Variants in CA10 observed in about 807,000 individuals in gnomAD.
CA10 encodes the protein carbonic anhydrase 10 (inactive).
In CA10, 14 loss-of-function variants were observed where a neutral mutation model predicts 44.2. That is an observed-to-expected ratio of 0.32 (90% confidence interval 0.21 to 0.50). The LOEUF is 0.50. Ranked by LOEUF, CA10 falls within the 20% of genes least tolerant of loss-of-function variation. CA10 has a pLI of 0.99. For synonymous variants in CA10, 159 were observed against 141.6 expected (o/e 1.12, Z -0.87); for missense variants, 350 against 409.7 (o/e 0.85, Z 1.26).
chr17:52,079,453 CG>C (rs1468257670), intron 1 of CA10, among the ~76,000 whole-genome samples: 2 of 125,770 alleles, frequency 1.6e-5, no homozygotes, highest in Non-Finnish European at 3.0e-5. Context: ...AGCGAGACTC[CG>C]TCAAAAAAAA....
At chr17:51,842,314 T>C (rs187007782) in intron 3 of CA10, among the ~76,000 whole-genome samples, 10 of 152,264 alleles carry the variant, frequency 6.6e-5, no homozygotes, top group African/African-American at 2.2e-4. Context: ...CTCAAGAAGA[T>C]ACACTGATTC....
chr17:51,870,853 A>T (rs1979770168), intron 3 of CA10, among the ~76,000 whole-genome samples: 1 of 152,094 alleles, frequency 6.6e-6, no homozygotes, highest in Non-Finnish European at 1.5e-5. Flanking sequence ...TGGTGGGATT[A>T]TTCTTATGCC....
At chr17:51,753,495 T>C (rs1904964624) in intron 3 of CA10, among the ~76,000 whole-genome samples, 1 of 152,214 alleles carries the variant, frequency 6.6e-6, no homozygotes, top group African/African-American at 2.4e-5. Flanking sequence ...AAAATTTTCA[T>C]TCTTTGAAAT....
chr17:52,123,219 C>A (rs1397606284), intron 1 of CA10, among the ~76,000 whole-genome samples: 1 of 152,040 alleles, frequency 6.6e-6, no homozygotes, highest in African/African-American at 2.4e-5. Context: ...GAAATATTAA[C>A]TTAAAAGAGT....
chr17:51,982,353 G>A (rs1984679837), intron 2 of CA10, among the ~76,000 whole-genome samples: 1 of 151,890 alleles, frequency 6.6e-6, no homozygotes, highest in Non-Finnish European at 1.5e-5. Context: ...CAGCTTCTTG[G>A]TTGACTTAAA....
At chr17:51,751,233 A>G (rs2143614298) in intron 3 of CA10, among the ~76,000 whole-genome samples, 1 of 152,360 alleles carries the variant, frequency 6.6e-6, no homozygotes, top group Admixed American at 6.5e-5. Flanking sequence ...TCATAGAAAC[A>G]GAAAGTAGAA....
chr17:51,821,478 C>T lies in CA10; in HGVS notation c.280-73660G>A, dbSNP rs1195420004. Among the ~76,000 whole-genome samples the T allele has an allele frequency of 2.0e-5, 3 of 152,036 alleles. No homozygotes were observed. The East Asian group carries it at 5.8e-4, about 29-fold the overall frequency. On this transcript the variant is annotated intron_variant, in intron 3 of 8. Transcript: ENST00000451037. ...CATGAATCTGATCATTTGTCGTCTC[C>T]CCGCAGCTGCTCCCTTGGTCCAAAT...
In CA10 at chr17:51,790,743, G is replaced by A. The variant is rs747352145; in HGVS notation, c.280-42925C>T. ...CCATGACAAGGTAAGATGAGTAGGTGGATCAATTTTAAAGGTTCTACCATC... is the reference window on the plus strand; with the variant it reads ...CCATGACAAGGTAAGATGAGTAGGTAGATCAATTTTAAAGGTTCTACCATC... On this transcript the variant is annotated intron_variant, in intron 3 of 8. Transcript: ENST00000451037. Among the ~76,000 whole-genome samples the A allele has an allele frequency of 1.1e-4, 17 of 152,264 alleles. No homozygotes were observed. In the Middle Eastern group the frequency reaches 0.01, roughly 91 times the overall value.
chr17:51,880,179 C>T (rs755487884), intron 3 of CA10, among the ~76,000 whole-genome samples: 2 of 152,210 alleles, frequency 1.3e-5, no homozygotes, highest in Non-Finnish European at 2.9e-5. Context: ...CAGCAGAAAC[C>T]GTAATAAGGC....
intron 3 of CA10, among the ~76,000 whole-genome samples, chr17:51,795,697 T>C (rs955353967): frequency 1.3e-5 from 2 of 152,172 alleles, no homozygotes; most frequent in Non-Finnish European, 2.9e-5. Context: ...TAAAAATAAT[T>C]TCTCACAGAT....
intron 1 of CA10, among the ~76,000 whole-genome samples, chr17:52,144,306 C>T (rs1989539528): frequency 6.6e-6 from 1 of 152,132 alleles, no homozygotes; most frequent in Admixed American, 6.5e-5. Flanking sequence ...TTCTTTATTG[C>T]TCTGGCAAAT....
At chr17:52,122,410 A>G (rs1320624888) in intron 1 of CA10, among the ~76,000 whole-genome samples, 1 of 152,202 alleles carries the variant, frequency 6.6e-6, no homozygotes, top group African/African-American at 2.4e-5. Flanking sequence ...GTTTTCATTA[A>G]ATATTTGGAT....
At chr17:51,984,637 G>C (rs1001236355) in intron 2 of CA10, among the ~76,000 whole-genome samples, 1 of 151,790 alleles carries the variant, frequency 6.6e-6, no homozygotes, top group Non-Finnish European at 1.5e-5. Flanking sequence ...GAAAAGAAGA[G>C]AGAAAATCCA....
At chr17:51,759,687 G>A (rs1905168710) in intron 3 of CA10, among the ~76,000 whole-genome samples, 2 of 151,996 alleles carry the variant, frequency 1.3e-5, no homozygotes, top group South Asian at 4.1e-4. Context: ...TAGGTCTGAG[G>A]TGGGACTCAG....
chr17:51,757,342 C>T (rs549412089), intron 3 of CA10, among the ~76,000 whole-genome samples: 1 of 152,280 alleles, frequency 6.6e-6, no homozygotes, highest in South Asian at 2.1e-4. Context: ...ATAGCAGACA[C>T]ACAGATTAGC....
At chr17:51,961,504 A>G (rs1005834596) in intron 2 of CA10, among the ~76,000 whole-genome samples, 5 of 152,142 alleles carry the variant, frequency 3.3e-5, no homozygotes, top group African/African-American at 1.2e-4. Flanking sequence ...CAACAGATAG[A>G]GTCAATGAAA....
intron 3 of CA10, among the ~76,000 whole-genome samples, chr17:51,882,073 A>G (rs1980402199): frequency 6.6e-6 from 1 of 151,838 alleles, no homozygotes; most frequent in African/African-American, 2.4e-5. Flanking sequence ...CAACAAAAAA[A>G]AAAAAAAAGA....
rs1007080752 is a variant in CA10, at chr17:52,030,906, T to A, written c.136+41413A>T. Among the ~76,000 whole-genome samples, 8 of 152,244 alleles carry A rather than the reference T, an allele frequency of 5.3e-5. No individual in the cohort carries two copies. In the East Asian group the frequency reaches 7.8e-4, roughly 15 times the overall value. On this transcript the variant is annotated intron_variant, in intron 2 of 8. Coordinates refer to ENST00000451037, the MANE Select transcript of CA10 (RefSeq NM_020178.5). The stretch of plus-strand genomic sequence containing the variant: ...GGGGATTGTCATAAGCTTCCTTAGA[T>A]CTAAGGCCTTCAGTCTTGGACTGAG...
intron 3 of CA10, among the ~76,000 whole-genome samples, chr17:51,806,579 G>C (rs1227436223): frequency 6.6e-6 from 1 of 152,166 alleles, no homozygotes; most frequent in Admixed American, 6.5e-5. Flanking sequence ...CTAGCACTTG[G>C]CACTATGCCT....
Sources: gnomAD v4.1 joint callset for allele counts (sites outside exome capture counted in the v4.1 genomes callset) on GRCh38, gnomAD v4.1.1 for gene constraint, MANE v1.5 for transcripts, NCBI Gene and HGNC (gene_info 2026-07-23, HGNC 2026-07-21) for gene names.